The following DNAJA3 variants were observed in gnomAD, a reference collection of about 807,000 sequenced individuals.
DNAJA3 encodes the protein DnaJ heat shock protein family (Hsp40) member A3.
Under a neutral mutation model 54.9 loss-of-function variants are expected in DNAJA3, and 29 were observed. The observed-to-expected ratio is 0.53, with a 90% confidence interval of 0.39 to 0.72. The LOEUF (loss-of-function observed/expected upper bound fraction) is 0.72, where lower values mean the gene tolerates loss of function less well. Ranked by LOEUF, DNAJA3 falls within the 30% of genes least tolerant of loss-of-function variation. The pLI, the probability that DNAJA3 is intolerant of heterozygous loss-of-function variation, is 0.00. For missense variants in DNAJA3, 708 were observed against 639.4 expected (o/e 1.11, Z -1.16); for synonymous variants, 302 against 251.4 (o/e 1.20, Z -1.90).
intron 8 of DNAJA3, among the ~76,000 whole-genome samples, chr16:4,448,451 C>G (rs562479853): frequency 1.8e-3 from 268 of 152,010 alleles, no homozygotes; most frequent in African/African-American, 6.0e-3. Context: ...TCAAGCAATT[C>G]TCCTACCTCA....
At chr16:4,434,783 A>G (rs1234100130) in intron 2 of DNAJA3, among the ~76,000 whole-genome samples, 1 of 151,832 alleles carries the variant, frequency 6.6e-6, no homozygotes, top group African/African-American at 2.4e-5. Context: ...ATTAAATTTA[A>G]TCTGTATTTT....
intron 11 of DNAJA3, 28 bp from the exon 12 acceptor site, chr16:4,455,518 A>G (rs1324238885): frequency 1.9e-6 from 3 of 1,551,446 alleles, no homozygotes; most frequent in Non-Finnish European, 2.6e-6. Flanking sequence ...TGTTGAGTAT[A>G]AGGTAACAGC....
At chr16:4,428,643 C>T (rs1029134441) in intron 1 of DNAJA3, among the ~76,000 whole-genome samples, 1 of 152,172 alleles carries the variant, frequency 6.6e-6, no homozygotes, top group African/African-American at 2.4e-5. Flanking sequence ...CTGTCTTGTT[C>T]CCCAAGTGAG....
chr16:4,455,541 C>T lies in DNAJA3; in HGVS notation c.*14-5C>T. On this transcript the variant is annotated splice_polypyrimidine_tract_variant and splice_region_variant and intron_variant, in intron 11 of 11. Coordinates refer to ENST00000262375, the MANE Select transcript of DNAJA3 (RefSeq NM_005147.6). ...ATAAGGTAACAGCCTATCTCTTTGG[C>T]TCAGGAAAAAGATCCACTGGAAACT... 7.7e-6 allele frequency: 12 copies of T among 1,551,808 alleles called. No individual in the cohort carries two copies. Among genetic ancestry groups the T allele is most frequent in the Non-Finnish European group, 1.0e-5 (12 of 1,146,998 alleles).
intron 7 of DNAJA3, 104 bp from the exon 8 acceptor site, chr16:4,446,782 G>C (rs1372010979): frequency 7.2e-7 from 1 of 1,387,798 alleles, no homozygotes; most frequent in South Asian, 1.3e-5. Context: ...TATGGAAGGG[G>C]TGTGTAGTTT....
chr16:4,452,173 A>T (rs564074756), intron 10 of DNAJA3, among the ~76,000 whole-genome samples: 1 of 152,186 alleles, frequency 6.6e-6, no homozygotes, highest in Non-Finnish European at 1.5e-5. Flanking sequence ...GTGTATATGT[A>T]TACTATCTTT....
intron 10 of DNAJA3, among the ~76,000 whole-genome samples, chr16:4,451,738 C>T (rs550500192): frequency 2.0e-4 from 23 of 113,726 alleles, no homozygotes; most frequent in Non-Finnish European, 3.5e-4. Flanking sequence ...GCTTGGGTGA[C>T]AGTGAGACTC....
chr16:4,455,211 C>T (rs1318177036), intron 11 of DNAJA3, among the ~76,000 whole-genome samples: 1 of 152,144 alleles, frequency 6.6e-6, no homozygotes, highest in African/African-American at 2.4e-5. Context: ...GTACAGCCCC[C>T]CTGCAGTGGT....
intron 7 of DNAJA3, among the ~76,000 whole-genome samples, chr16:4,446,601 C>T (rs532517642): frequency 1.3e-5 from 2 of 152,180 alleles, no homozygotes; most frequent in Admixed American, 6.5e-5. Flanking sequence ...TTTCCCTTCA[C>T]GATTGAATGG....
chr16:4,437,740 A>G, intron 3 of DNAJA3: 1 of 367,934 alleles, frequency 2.7e-6, no homozygotes, highest in Non-Finnish European at 4.9e-6. Context: ...GCTTGACCCT[A>G]GGAGTTTGAG....
intron 10 of DNAJA3, among the ~76,000 whole-genome samples, chr16:4,450,866 T>C (rs1011189578): frequency 6.6e-6 from 1 of 152,142 alleles, no homozygotes; most frequent in African/African-American, 2.4e-5. Context: ...GGAGAGAGCA[T>C]GGATTGGAAG....
At chr16:4,428,533 C>T (rs2056652084) in intron 1 of DNAJA3, among the ~76,000 whole-genome samples, 1 of 152,150 alleles carries the variant, frequency 6.6e-6, no homozygotes, top group African/African-American at 2.4e-5. Flanking sequence ...TCCAGCTGTA[C>T]AAATTTGGGA....
At chr16:4,442,199 C>T in intron 4 of DNAJA3, 69 bp from the exon 5 acceptor site, 1 of 1,495,260 alleles carries the variant, frequency 6.7e-7, no homozygotes, top group South Asian at 1.4e-5. Flanking sequence ...CCTCCTTTCC[C>T]TTTAGAGCCG....
chr16:4,442,708 G>A (rs1043403194), intron 5 of DNAJA3: 1 of 518,810 alleles, frequency 1.9e-6, no homozygotes, highest in Non-Finnish European at 3.4e-6. Context: ...AATTCAAGGG[G>A]AAATAATCTT....
chr16:4,438,470 C>T (rs1235155159), intron 3 of DNAJA3, among the ~76,000 whole-genome samples: 1 of 152,126 alleles, frequency 6.6e-6, no homozygotes, highest in African/African-American at 2.4e-5. Flanking sequence ...GGCATCACTG[C>T]TTTTTGGGGA....
intron 3 of DNAJA3, among the ~76,000 whole-genome samples, chr16:4,438,133 G>A (rs977512633): frequency 1.3e-5 from 2 of 151,882 alleles, no homozygotes; most frequent in Non-Finnish European, 1.5e-5. Context: ...CGGCTAACAC[G>A]GTGAAACCCC....
rs2056878554 is a variant in DNAJA3 at position 4,444,501 on chromosome 16, G to A, written c.932-163G>A. ...TGGGACTACAGGCGTGTGCCACCAC[G>A]CCCAGTTAATTTTTAGTAGAGACCA... On this transcript the variant is annotated intron_variant, in intron 6 of 11. Transcript: ENST00000262375. 2.6e-5 allele frequency among the ~76,000 whole-genome samples: 4 copies of A among 152,010 alleles called. No individual in the cohort carries two copies. In the South Asian group the frequency reaches 6.2e-4, roughly 24 times the overall value.
intron 2 of DNAJA3, among the ~76,000 whole-genome samples, chr16:4,437,134 C>T (rs1048626226): frequency 6.6e-6 from 1 of 152,116 alleles, no homozygotes; most frequent in African/African-American, 2.4e-5. Context: ...CCACGCCTGA[C>T]TAATTTTTTC....
intron 3 of DNAJA3, chr16:4,441,106 A>G: frequency 1.9e-6 from 1 of 527,574 alleles, no homozygotes; most frequent in South Asian, 2.8e-5. Context: ...TCAAGCGAGG[A>G]TCAACACAAA....
Sources: allele counts gnomAD v4.1 joint callset (sites outside exome capture counted in the v4.1 genomes callset), GRCh38; gene constraint gnomAD v4.1.1; transcripts MANE v1.5; gene names NCBI Gene and HGNC (gene_info 2026-07-23, HGNC 2026-07-21).